The following TRIO variants were observed in gnomAD, a reference collection of about 807,000 sequenced individuals.
The protein encoded by TRIO is triple functional domain protein.
A neutral mutation model predicts 351.9 loss-of-function variants in TRIO; 58 were observed. The observed-to-expected ratio is 0.16, with a 90% CI of 0.13 to 0.21. TRIO has a LOEUF of 0.21. TRIO is among the 10% of genes least tolerant of loss of function. The pLI is 1.00. For missense variants in TRIO, 3,201 were observed against 4,027.8 expected (o/e 0.79, Z 5.56); for synonymous variants, 1,758 against 1,595.7 (o/e 1.10, Z -2.42).
chr5:14,188,794 A>G (rs981211753), intron 1 of TRIO, among the ~76,000 whole-genome samples: 1 of 152,124 alleles, frequency 6.6e-6, no homozygotes, highest in Non-Finnish European at 1.5e-5. Context: ...TGTCCCGCGC[A>G]TTGAATTCCA....
chr5:14,352,009 A>G (rs1454594595), intron 11 of TRIO, among the ~76,000 whole-genome samples: 2 of 151,886 alleles, frequency 1.3e-5, no homozygotes, highest in Non-Finnish European at 2.9e-5. Flanking sequence ...TTTCAAGGGG[A>G]TTTCTTCCAG....
intron 49 of TRIO, among the ~76,000 whole-genome samples, chr5:14,494,358 G>A (rs1756719351): frequency 6.6e-6 from 1 of 152,154 alleles, no homozygotes; most frequent in African/African-American, 2.4e-5. Context: ...CTGGCTGACA[G>A]CACATCTGTA....
chr5:14,370,459 G>A (rs1016633115), intron 18 of TRIO, among the ~76,000 whole-genome samples: 1 of 152,116 alleles, frequency 6.6e-6, no homozygotes, highest in Non-Finnish European at 1.5e-5. Flanking sequence ...CCCATTAAAA[G>A]TAGGGGTGGT....
At chr5:14,469,658 A>C (rs528272358) in intron 37 of TRIO, among the ~76,000 whole-genome samples, 1 of 152,236 alleles carries the variant, frequency 6.6e-6, no homozygotes, top group East Asian at 1.9e-4. Flanking sequence ...GGGCCACATG[A>C]AGGCGATAAG....
Position 14,454,645 on chromosome 5 carries a change from G to A in TRIO, c.5204-6374G>A, listed in dbSNP as rs531469323. 9.2e-5 allele frequency among the ~76,000 whole-genome samples: 14 copies of A among 152,296 alleles called. No individual in the cohort carries two copies. The South Asian group carries it at 2.3e-3, about 25-fold the overall frequency. ...TCATTAAGCTCCAGGTGTATGCCAC[G>A]CTGCCTGCTGGCAGCTGGGTATGTA... On this transcript the variant is annotated intron_variant, in intron 34 of 56. Transcript: ENST00000344204.
intron 34 of TRIO, among the ~76,000 whole-genome samples, chr5:14,456,048 G>A (rs748087720): frequency 1.2e-4 from 19 of 152,378 alleles, no homozygotes; most frequent in Admixed American, 5.2e-4. Flanking sequence ...ATTCAAGCGC[G>A]GTGCGGGCGG....
intron 1 of TRIO, among the ~76,000 whole-genome samples, chr5:14,247,854 T>G (rs773238300): frequency 6.6e-6 from 1 of 152,000 alleles, no homozygotes; most frequent in Non-Finnish European, 1.5e-5. Flanking sequence ...GATCACGAGG[T>G]CAGGAGTTCA....
chr5:14,316,842 T>C, intron 9 of TRIO, 99 bp downstream of exon 9: 1 of 1,328,834 alleles, frequency 7.5e-7, no homozygotes, highest in Non-Finnish European at 1.0e-6. Flanking sequence ...TAAGGAGTGA[T>C]GACTAGAAGA....
chr5:14,429,593 C>T (rs955117626), intron 34 of TRIO, among the ~76,000 whole-genome samples: 8 of 152,210 alleles, frequency 5.3e-5, no homozygotes, highest in Non-Finnish European at 1.0e-4. Flanking sequence ...AACACTTTTA[C>T]ATACACGTTC....
chr5:14,192,831 G>T (rs1465318871), intron 1 of TRIO, among the ~76,000 whole-genome samples: 1 of 152,144 alleles, frequency 6.6e-6, no homozygotes, highest in African/African-American at 2.4e-5. Flanking sequence ...TAAATCTTTA[G>T]TGTGGTGTCT....
At chr5:14,409,869 TCTCTCCTG>T (rs1395553445) in intron 33 of TRIO, among the ~76,000 whole-genome samples, 3 of 145,634 alleles carry the variant, frequency 2.1e-5, no homozygotes, top group African/African-American at 7.6e-5. Flanking sequence ...CCCTGAAGGG[TCTCTCCTG>T]CCAGTTCCAC....
At chr5:14,166,279 T>C (rs562030991) in intron 1 of TRIO, among the ~76,000 whole-genome samples, 2 of 152,328 alleles carry the variant, frequency 1.3e-5, no homozygotes, top group East Asian at 1.9e-4. Context: ...GCATGTCCCC[T>C]TCCTGTCTCT....
At chr5:14,454,733 A>C (rs1469640399) in intron 34 of TRIO, among the ~76,000 whole-genome samples, 1 of 152,220 alleles carries the variant, frequency 6.6e-6, no homozygotes, top group African/African-American at 2.4e-5. Context: ...CTGCCTTCAC[A>C]GTTGCCCAGC....
intron 1 of TRIO, among the ~76,000 whole-genome samples, chr5:14,219,006 G>A (rs1792410829): frequency 6.6e-6 from 1 of 152,164 alleles, no homozygotes; most frequent in Admixed American, 6.6e-5. Context: ...CAAGTGCCTC[G>A]GTTTCTGATG....
intron 11 of TRIO, among the ~76,000 whole-genome samples, chr5:14,349,368 A>T (rs1003958318): frequency 2.0e-5 from 3 of 152,220 alleles, no homozygotes; most frequent in Non-Finnish European, 2.9e-5. Flanking sequence ...GTGTGCACAC[A>T]TGTGAGCATG....
At position 14,378,058 on chromosome 5, in the gene TRIO, C is replaced by T; in HGVS notation, c.3378C>T (p.Tyr1126=). 6.2e-7 allele frequency: 1 copy of T among 1,613,682 alleles called. No homozygotes were observed. Reference sequence around the variant, plus strand: ...AACGGGAGAACAGGGTATTGCATTACTGGACCATGAGGAAGAGACGGCTGG... The same window carrying T: ...AACGGGAGAACAGGGTATTGCATTATTGGACCATGAGGAAGAGACGGCTGG... ...LFQRENRVLH[Y]WTMRKRRLDQ... The change falls in exon 20 of 57, where the codon TAC becomes TAT. Residue 1126 remains tyrosine, a synonymous_variant. Coordinates refer to ENST00000344204, the MANE Select transcript of TRIO (RefSeq NM_007118.4).
In TRIO at chr5:14,487,834, C is replaced by T. The variant is rs1231016264; in HGVS notation, c.7206C>T (p.Ser2402=). 8 of 1,513,274 alleles carry T rather than the reference C, an allele frequency of 5.3e-6. No individual in the cohort carries two copies. In the African/African-American group the frequency reaches 8.7e-5, roughly 16 times the overall value. 93.7% of individuals were successfully genotyped at this position (1,513,274 alleles called of 1,614,324 possible). A position where few individuals can be genotyped will look rare whatever the true frequency, so the allele number is the denominator to read the frequency against. Residue 2402 remains serine (S), a synonymous_variant, in exon 48 of 57, where the codon TCC becomes TCT. Transcript: ENST00000344204. ...RRPPGADAEG[S]EREAEPIPKM... ...CCCCCGGCGCGGACGCCGAGGGGTC[C>T]GAGCGAGAAGCGGAGCCGATCCCCA...
At chr5:14,287,200 A>G in intron 4 of TRIO, 137 bp downstream of exon 4, 1 of 815,024 alleles carries the variant, frequency 1.2e-6, no homozygotes, top group South Asian at 1.8e-5. Flanking sequence ...GTGATACGTA[A>G]AATTAGTTAC....
intron 1 of TRIO, among the ~76,000 whole-genome samples, chr5:14,177,137 G>A (rs891067819): frequency 4.1e-4 from 63 of 152,306 alleles, no homozygotes; most frequent in African/African-American, 1.5e-3. Context: ...TGAGCATACA[G>A]TTATGCCCCA....
Sources: gnomAD v4.1 joint callset for allele counts (sites outside exome capture counted in the v4.1 genomes callset) on GRCh38, gnomAD v4.1.1 for gene constraint, MANE v1.5 for transcripts, NCBI Gene and HGNC (gene_info 2026-07-23, HGNC 2026-07-21) for gene names.